Variants in MAP3K5 observed in about 807,000 individuals in gnomAD.
MAP3K5 encodes ASK-1.
In MAP3K5, 56 loss-of-function variants were observed where a neutral mutation model predicts 158.7. The ratio of observed to expected loss-of-function variants is 0.35; its 90% CI spans 0.28 to 0.44. The LOEUF (loss-of-function observed/expected upper bound fraction) is 0.44. Ranked by LOEUF, MAP3K5 falls within the 20% of genes least tolerant of loss-of-function variation. The pLI is 1.00. For missense variants in MAP3K5, 1,294 were observed against 1,674.8 expected (o/e 0.77, Z 3.97); for synonymous variants, 579 against 601.7 (o/e 0.96, Z 0.55).
At chr6:136,574,223 G>A (rs1228569265) in intron 25 of MAP3K5, among the ~76,000 whole-genome samples, 2 of 152,132 alleles carry the variant, frequency 1.3e-5, no homozygotes, top group African/African-American at 2.4e-5. Context: ...GAGCCACCAC[G>A]CTTGGCCTAG....
At chr6:136,718,704 G>A (rs1424835171) in intron 2 of MAP3K5, among the ~76,000 whole-genome samples, 1 of 152,210 alleles carries the variant, frequency 6.6e-6, no homozygotes, top group African/African-American at 2.4e-5. Flanking sequence ...CCGGACATAT[G>A]TGTGGTAAGA....
intron 10 of MAP3K5, among the ~76,000 whole-genome samples, chr6:136,654,330 T>A (rs1287062416): frequency 2.6e-5 from 4 of 152,256 alleles, no homozygotes; most frequent in Non-Finnish European, 2.9e-5. Flanking sequence ...TTTAATTCTT[T>A]GAGTCCAATG....
intron 10 of MAP3K5, among the ~76,000 whole-genome samples, chr6:136,655,142 G>A (rs896747705): frequency 6.6e-6 from 1 of 151,766 alleles, no homozygotes; most frequent in South Asian, 2.1e-4. Context: ...TAATCTAAAC[G>A]GGCTCAAAGT....
At chr6:136,751,042 T>C (rs1024064801) in intron 1 of MAP3K5, among the ~76,000 whole-genome samples, 1 of 152,150 alleles carries the variant, frequency 6.6e-6, no homozygotes. Flanking sequence ...AGTTGTTTTT[T>C]TCCCCACTTT....
At chr6:136,721,886 TAAC>T (rs901968943) in intron 1 of MAP3K5, among the ~76,000 whole-genome samples, 2 of 152,076 alleles carry the variant, frequency 1.3e-5, no homozygotes, top group African/African-American at 4.8e-5. Flanking sequence ...TAAAAAATAA[TAAC>T]TTCAAATTAA....
At chr6:136,692,126 T>C (rs887089573) in intron 7 of MAP3K5, among the ~76,000 whole-genome samples, 7 of 151,962 alleles carry the variant, frequency 4.6e-5, no homozygotes. Flanking sequence ...AGGCAGGTCT[T>C]GAACTCCTAG....
intron 1 of MAP3K5, among the ~76,000 whole-genome samples, chr6:136,721,284 A>T (rs923903818): frequency 1.1e-4 from 16 of 152,116 alleles, no homozygotes; most frequent in African/African-American, 3.1e-4. Flanking sequence ...CGAGATTTTT[A>T]AAAAATAAAT....
chr6:136,791,669 G>T (rs747455640), intron 1 of MAP3K5, 41 bp downstream of exon 1: 2 of 1,598,984 alleles, frequency 1.3e-6, no homozygotes, highest in East Asian at 2.2e-5. Flanking sequence ...ATTAAACGCG[G>T]GTCCCGACCG....
intron 17 of MAP3K5, 124 bp from the exon 18 acceptor site, chr6:136,611,511 G>T (rs937775924): frequency 7.2e-6 from 4 of 553,466 alleles, no homozygotes; most frequent in Non-Finnish European, 1.3e-5. Flanking sequence ...CATTAATTCT[G>T]TATTCTTCAT....
Position 136,613,292 on chromosome 6 carries a change from T to A in MAP3K5, c.2279-36A>T. ...GGGATAAATAGTAAATAAATCCTCA[T>A]TCAAATGAGCTCTTTAAAGTGTATT... is the stretch of plus-strand genomic sequence containing the variant. On this transcript the variant is annotated intron_variant, in intron 16 of 29. Coordinates refer to ENST00000359015, the MANE Select transcript of MAP3K5 (RefSeq NM_005923.4). The surrounding 1 kb of genome is among the most constrained non-coding windows in gnomAD (Gnocchi z 4.0). 1 of 1,583,680 alleles carries A rather than the reference T, an allele frequency of 6.3e-7. No homozygotes were observed. Among genetic ancestry groups the A allele is most frequent in the Non-Finnish European group, 8.6e-7 (1 of 1,161,220 alleles).
At chr6:136,726,884 T>C (rs1488039968) in intron 1 of MAP3K5, among the ~76,000 whole-genome samples, 1 of 152,172 alleles carries the variant, frequency 6.6e-6, no homozygotes. Flanking sequence ...TATTATTTTA[T>C]ATGTATTATT....
intron 10 of MAP3K5, among the ~76,000 whole-genome samples, chr6:136,655,799 C>T (rs1778718901): frequency 6.6e-6 from 1 of 151,846 alleles, no homozygotes; most frequent in Non-Finnish European, 1.5e-5. Context: ...GAGCTGCAGA[C>T]CAGAAACTGC....
intron 3 of MAP3K5, among the ~76,000 whole-genome samples, chr6:136,700,418 G>A (rs1287775833): frequency 6.6e-6 from 1 of 152,078 alleles, no homozygotes; most frequent in Non-Finnish European, 1.5e-5. Flanking sequence ...GGCATCAAAG[G>A]CAATTCTGCA....
In MAP3K5 at chr6:136,696,050, T is replaced by G; in HGVS notation, c.983A>C (p.Asp328Ala). Residue 328 changes from aspartate (D) to alanine (A), a missense_variant, in exon 6 of 30, where the codon GAT (aspartate) becomes GCT (alanine). Coordinates refer to ENST00000359015, the MANE Select transcript of MAP3K5 (RefSeq NM_005923.4). ...AGTCTCTACCAGCTTCACAATAGAATCATAGTCCTTTCAAATTAGATGAGA... is the reference window on the plus strand; with the variant it reads ...AGTCTCTACCAGCTTCACAATAGAAGCATAGTCCTTTCAAATTAGATGAGA... ...LLSYRDIQDY[D>A]SIVKLVETLE... 6.3e-7 allele frequency: 1 copy of G among 1,594,134 alleles called. No homozygotes were observed. Among genetic ancestry groups the G allele is most frequent in the Non-Finnish European group, 8.6e-7 (1 of 1,162,874 alleles).
chr6:136,688,920 A>G (rs766668011), intron 7 of MAP3K5, among the ~76,000 whole-genome samples: 3 of 152,100 alleles, frequency 2.0e-5, no homozygotes, highest in Non-Finnish European at 4.4e-5. Context: ...ATCTCCCACA[A>G]CTAAGAATTT....
chr6:136,649,858 A>G (rs1315773080), intron 11 of MAP3K5, among the ~76,000 whole-genome samples: 1 of 152,224 alleles, frequency 6.6e-6, no homozygotes, highest in Non-Finnish European at 1.5e-5. Flanking sequence ...TTATTATCTC[A>G]TTCTACAGAT....
At chr6:136,661,650 T>G (rs1779011914) in intron 8 of MAP3K5, among the ~76,000 whole-genome samples, 2 of 152,166 alleles carry the variant, frequency 1.3e-5, no homozygotes, top group Non-Finnish European at 1.5e-5. Context: ...GCCTTAGACC[T>G]GCTAGCTGAG....
rs746030178 is a variant in MAP3K5 at position 136,792,162 on chromosome 6, C to G, written c.-5G>C. On this transcript the variant is annotated 5_prime_UTR_variant, in exon 1 of 30. Transcript: ENST00000359015. The surrounding 1 kb of genome is among the most constrained non-coding windows in gnomAD (Gnocchi z 5.7). ...CTCGTCCGCCTCCGTGCTCATCTCT[C>G]CGGGCCGGGCAGCAACGGCGGCGGC... The G allele has an allele frequency of 8.4e-6, 13 of 1,547,112 alleles. No individual in the cohort carries two copies. The highest frequency in any genetic ancestry group is 1.2e-5 in the South Asian group (1 of 84,946).
rs373284793 is a variant in MAP3K5, at chr6:136,614,141, G to A, written c.2278+18C>T. The A allele has an allele frequency of 6.2e-7, 1 of 1,606,748 alleles. No homozygotes were observed. The highest frequency in any genetic ancestry group is 2.2e-5 in the East Asian group (1 of 44,806). ...GCTCTAAACATTCACACTTTTTAAA[G>A]AAAGAAATATCTCTTACCTCCAGGG... is the stretch of plus-strand genomic sequence containing the variant. On this transcript the variant is annotated intron_variant, in intron 16 of 29. Transcript: ENST00000359015.
Sources: allele counts gnomAD v4.1 joint callset (sites outside exome capture counted in the v4.1 genomes callset), GRCh38; gene constraint gnomAD v4.1.1; non-coding constraint Gnocchi (gnomAD v3.1); transcripts MANE v1.5; gene names NCBI Gene and HGNC (gene_info 2026-07-23, HGNC 2026-07-21).